Variants in DNM2 observed in about 807,000 individuals in gnomAD.
DNM2 encodes the protein dynamin 2.
In DNM2, 15 loss-of-function variants were observed where a neutral mutation model predicts 99.0. That is an observed-to-expected ratio of 0.15 (90% CI 0.10 to 0.23). The LOEUF is 0.23. DNM2 is among the 10% of genes least tolerant of loss of function. DNM2 has a pLI of 1.00. For synonymous variants in DNM2, 525 were observed against 481.2 expected, an observed-to-expected ratio of 1.09 and a Z score of -1.19; for missense variants, 742 against 1,189.4, an observed-to-expected ratio of 0.62 and a Z score of 5.53.
chr19:10,815,999 C>T (rs1225425263), intron 15 of DNM2, among the ~76,000 whole-genome samples: 4 of 152,154 alleles, frequency 2.6e-5, no homozygotes, highest in African/African-American at 7.2e-5. Flanking sequence ...ACTGAGGCCA[C>T]ACCTGAGGAG....
At chr19:10,732,673 G>A (rs1034245043) in intron 1 of DNM2, among the ~76,000 whole-genome samples, 1 of 151,916 alleles carries the variant, frequency 6.6e-6, no homozygotes, top group Admixed American at 6.6e-5. Flanking sequence ...GCATGGGAAC[G>A]ACCTCTAGCA....
At position 10,783,138 on chromosome 19, in the gene DNM2, A is replaced by T. The variant is rs2071433790; in HGVS notation, c.849+18A>T. On this transcript the variant is annotated intron_variant, in intron 6 of 20. Coordinates refer to ENST00000389253, the MANE Select transcript of DNM2 (RefSeq NM_001005361.3). ...TGAATCAGGTACTGCAAGGGTTTGCACGTAGTGTGCAGTGGCATAGGCTGT... is the reference window on the plus strand; with the variant it reads ...TGAATCAGGTACTGCAAGGGTTTGCTCGTAGTGTGCAGTGGCATAGGCTGT... 6.2e-7 allele frequency: 1 copy of T among 1,607,432 alleles called. No individual in the cohort carries two copies. The highest frequency in any genetic ancestry group is 1.3e-5 in the African/African-American group (1 of 74,954).
chr19:10,721,071 T>C (rs1256018502), intron 1 of DNM2, among the ~76,000 whole-genome samples: 1 of 152,134 alleles, frequency 6.6e-6, no homozygotes, highest in Non-Finnish European at 1.5e-5. Flanking sequence ...CTTTCTCTCC[T>C]GTCTACCATG....
chr19:10,756,584 G>C (rs955950042), intron 1 of DNM2, among the ~76,000 whole-genome samples: 2 of 152,174 alleles, frequency 1.3e-5, no homozygotes, highest in African/African-American at 4.8e-5. Flanking sequence ...GGTCCCTCGG[G>C]CTCTTTGTCA....
intron 1 of DNM2, among the ~76,000 whole-genome samples, chr19:10,739,674 G>A (rs2069667763): frequency 6.6e-6 from 1 of 151,996 alleles, no homozygotes; most frequent in African/African-American, 2.4e-5. Flanking sequence ...TGCCCAACAT[G>A]GTGAAACCCC....
chr19:10,783,563 C>T (rs954706629), intron 6 of DNM2, among the ~76,000 whole-genome samples: 4 of 152,050 alleles, frequency 2.6e-5, no homozygotes, highest in African/African-American at 4.8e-5. Context: ...TTACAACCAT[C>T]ACTGTTATTA....
chr19:10,745,174 C>T lies in DNM2; in HGVS notation c.162-14564C>T, dbSNP rs149998263. Reference sequence around the variant, plus strand: ...AACCCGAAGTGGAGGACATCATCCCCCACGCATAATCCAGTCCGTGCATCG... The same window carrying T: ...AACCCGAAGTGGAGGACATCATCCCTCACGCATAATCCAGTCCGTGCATCG... On this transcript the variant is annotated intron_variant, in intron 1 of 20. Transcript: ENST00000389253. 3.9e-3 allele frequency among the ~76,000 whole-genome samples: 587 copies of T among 152,332 alleles called. 6 individuals carry two copies. Among genetic ancestry groups the T allele is most frequent in the Middle Eastern group, 0.017 (5 of 294 alleles).
At chr19:10,808,746 T>TG in intron 14 of DNM2, 166 bp downstream of exon 14, 1 of 754,806 alleles carries the variant, frequency 1.3e-6, no homozygotes, top group Non-Finnish European at 2.1e-6. Context: ...GACTGCACGT[T>TG]GCCCTGGGTA....
rs573794008 is a variant in DNM2 at position 10,786,378 on chromosome 19, C to T, written c.850-186C>T. The T allele has an allele frequency of 1.6e-4, 158 of 971,238 alleles. No homozygotes were observed. In the South Asian group the frequency reaches 2.0e-3, roughly 12 times the overall value. The allele number at this position is 971,238 out of a possible 1,614,324, so 60.2% of individuals were successfully genotyped here. ...CTTACACTCATGGGCAGCTCCGTGC[C>T]GTCTCCGTTCCCAGACATGAGTGTG... On this transcript the variant is annotated intron_variant, in intron 6 of 20. Transcript: ENST00000389253.
At position 10,812,509 on chromosome 19, in the gene DNM2, C is replaced by A; in HGVS notation, c.1671+132C>A. The A allele has an allele frequency of 2.9e-6, 2 of 695,322 alleles. No homozygotes were observed. Among genetic ancestry groups the A allele is most frequent in the South Asian group, 1.7e-5 (1 of 60,412 alleles). 43.1% of individuals were successfully genotyped at this position (695,322 alleles called of 1,614,324 possible). On this transcript the variant is annotated intron_variant, in intron 15 of 20. Transcript: ENST00000389253. This position sits in a 1 kb window ranked among gnomAD's most constrained non-coding sequence, Gnocchi z 4.0. Reference sequence around the variant, plus strand: ...GAGTCACCATTAGGACTGTAACTCGCCGGGCACGGTGGCTCCCGCCTGTAA... The same window carrying A: ...GAGTCACCATTAGGACTGTAACTCGACGGGCACGGTGGCTCCCGCCTGTAA...
chr19:10,825,512 T>C (rs2073114041), intron 18 of DNM2, among the ~76,000 whole-genome samples: 1 of 151,482 alleles, frequency 6.6e-6, no homozygotes, highest in Non-Finnish European at 1.5e-5. Flanking sequence ...CTACTAAATA[T>C]ACAAAAATTA....
chr19:10,719,237 A>C lies in DNM2; in HGVS notation c.161+834A>C, dbSNP rs143426168. On this transcript the variant is annotated intron_variant, in intron 1 of 20. Transcript: ENST00000389253. ...AACGGCTCTGGAAAGGGGTGGTAGGAGGGTAGAGGGGAGAACAGAGCTGAA... is the reference window on the plus strand; with the variant it reads ...AACGGCTCTGGAAAGGGGTGGTAGGCGGGTAGAGGGGAGAACAGAGCTGAA... Among the ~76,000 whole-genome samples the C allele has an allele frequency of 3.7e-4, 56 of 152,068 alleles. No individual in the cohort carries two copies. In the East Asian group the frequency reaches 5.4e-3, roughly 15 times the overall value.
At chr19:10,742,984 G>A (rs755937828) in intron 1 of DNM2, among the ~76,000 whole-genome samples, 8 of 145,630 alleles carry the variant, frequency 5.5e-5, no homozygotes, top group Admixed American at 1.4e-4. Flanking sequence ...CTCAGTCTCC[G>A]CTGACTGCAG....
At chr19:10,810,848 C>CT (rs1568313361) in intron 14 of DNM2, 1 of 153,076 alleles carries the variant, frequency 6.5e-6, no homozygotes, top group Non-Finnish European at 1.5e-5. Flanking sequence ...CCGCTCCCCC[C>CT]GGGTGAATGG....
chr19:10,804,921 G>T (rs554217067), intron 12 of DNM2, among the ~76,000 whole-genome samples: 8 of 152,256 alleles, frequency 5.3e-5, no homozygotes, highest in African/African-American at 1.9e-4. Context: ...TTTCCATATT[G>T]TTCTGAAAGT....
At chr19:10,827,398 ACT>A (rs2073175607) in intron 18 of DNM2, among the ~76,000 whole-genome samples, 1 of 151,986 alleles carries the variant, frequency 6.6e-6, no homozygotes, top group Admixed American at 6.6e-5. Flanking sequence ...TTTTTAATAG[ACT>A]CTTATAAAAT....
At chr19:10,766,076 A>G (rs982826624) in intron 2 of DNM2, among the ~76,000 whole-genome samples, 1 of 151,986 alleles carries the variant, frequency 6.6e-6, no homozygotes, top group Non-Finnish European at 1.5e-5. Flanking sequence ...AAGGGTAGGA[A>G]CCCGGAGCTG....
chr19:10,758,031 G>A (rs368922409), intron 1 of DNM2, among the ~76,000 whole-genome samples: 5 of 150,980 alleles, frequency 3.3e-5, no homozygotes, highest in Admixed American at 2.6e-4. Context: ...ATTTCCTTTC[G>A]AGCCTTTAAT....
At chr19:10,762,178 A>G in intron 2 of DNM2, among the ~76,000 whole-genome samples, 1 of 152,048 alleles carries the variant, frequency 6.6e-6, no homozygotes, top group Non-Finnish European at 1.5e-5. Context: ...GAGCATCTAC[A>G]GGCATGAGCT....
Sources: gnomAD v4.1 joint callset for allele counts (sites outside exome capture counted in the v4.1 genomes callset) on GRCh38, gnomAD v4.1.1 for gene constraint, Gnocchi (gnomAD v3.1) non-coding constraint, MANE v1.5 for transcripts, NCBI Gene and HGNC (gene_info 2026-07-23, HGNC 2026-07-21) for gene names.